The following MTMR7 variants were observed in gnomAD, a reference collection of about 807,000 sequenced individuals.
MTMR7 encodes the protein myotubularin related protein 7, also known as phosphatidylinositol-3-phosphate phosphatase MTMR7.
Under a neutral mutation model 81.2 loss-of-function variants are expected in MTMR7, and 76 were observed. The observed-to-expected ratio is 0.94, with a 90% CI of 0.78 to 1.13. The LOEUF (loss-of-function observed/expected upper bound fraction) is 1.13, where lower values mean the gene tolerates loss of function less well. Ranked by LOEUF, MTMR7 falls within the 50% of genes most tolerant of loss-of-function variation. MTMR7 has a pLI of 0.00. For synonymous variants in MTMR7, 372 were observed against 289.8 expected (o/e 1.28, Z -2.88); for missense variants, 1,044 against 820.0 (o/e 1.27, Z -3.34).
At chr8:17,361,348 G>T (rs1351285683) in intron 3 of MTMR7, 74 bp from the exon 4 acceptor site, 1 of 1,559,360 alleles carries the variant, frequency 6.4e-7, no homozygotes, top group Non-Finnish European at 8.8e-7. Flanking sequence ...AAAACATTCT[G>T]TCCCACCTGG....
chr8:17,312,710 A>G (rs898546825), intron 8 of MTMR7, among the ~76,000 whole-genome samples: 1 of 152,092 alleles, frequency 6.6e-6, no homozygotes, highest in Non-Finnish European at 1.5e-5. Context: ...CTAAATAAAG[A>G]TTTCTTGAAT....
chr8:17,407,158 A>C (rs1289268223), intron 1 of MTMR7, among the ~76,000 whole-genome samples: 4 of 152,266 alleles, frequency 2.6e-5, no homozygotes, highest in African/African-American at 9.6e-5. Context: ...CACACTATAC[A>C]CACACACTAA....
chr8:17,313,022 C>A (rs1032956120), intron 8 of MTMR7, among the ~76,000 whole-genome samples: 3 of 152,212 alleles, frequency 2.0e-5, no homozygotes, highest in African/African-American at 7.2e-5. Context: ...ACAGAAAATT[C>A]TTTCCTCCAT....
At chr8:17,392,903 G>A (rs1032616521) in intron 1 of MTMR7, among the ~76,000 whole-genome samples, 1 of 152,170 alleles carries the variant, frequency 6.6e-6, no homozygotes, top group Non-Finnish European at 1.5e-5. Flanking sequence ...TTGCAATGAG[G>A]ATGATTATAA....
At position 17,341,395 on chromosome 8, in the gene MTMR7, C is replaced by A; in HGVS notation, c.700G>T (p.Asp234Tyr). 3 of 1,614,156 alleles carry A rather than the reference C, an allele frequency of 1.9e-6. No individual in the cohort carries two copies. Among genetic ancestry groups the A allele is most frequent in the Non-Finnish European group, 1.7e-6 (2 of 1,180,022 alleles). The change falls in exon 6 of 14, where the codon GAC becomes TAC. Residue 234 changes from aspartate (D) to tyrosine (Y), a missense_variant. Asp to Tyr is a radical substitution (Grantham distance 160). Transcript: ENST00000180173. ...QAIRKANPGS[D>Y]FVYVVDTRPK... ...CGGGTGTCAACGACATAAACGAAGTCACTTCCTGGATTGGCTTTCCTAATG... is the reference window on the plus strand; with the variant it reads ...CGGGTGTCAACGACATAAACGAAGTAACTTCCTGGATTGGCTTTCCTAATG...
intron 6 of MTMR7, among the ~76,000 whole-genome samples, chr8:17,340,485 A>G (rs576045233): frequency 6.6e-6 from 1 of 152,304 alleles, no homozygotes; most frequent in African/African-American, 2.4e-5. Flanking sequence ...TAGTCAATGC[A>G]CTTGTAGGTG....
intron 1 of MTMR7, among the ~76,000 whole-genome samples, chr8:17,400,689 T>G (rs1821400806): frequency 6.6e-6 from 1 of 152,228 alleles, no homozygotes. Context: ...AGACTTTTAT[T>G]GCACAATATT....
chr8:17,298,162 AGTTAT>A lies in MTMR7; in HGVS notation c.*1695_*1699del, dbSNP rs529460066. The A allele has an allele frequency of 1.2e-3, 176 of 152,190 alleles. No homozygotes were observed. The highest frequency in any genetic ancestry group is 3.8e-3 in the African/African-American group (157 of 41,582). 9.4% of individuals were successfully genotyped at this position (152,190 alleles called of 1,614,324 possible). A position where few individuals can be genotyped will look rare whatever the true frequency, so the allele number is the denominator to read the frequency against. The stretch of plus-strand genomic sequence containing the variant: ...ACAGCTCCAAGAAGGTTGTGAAGTG[AGTTAT>A]GTTATGTTATAAAAATGTGAAAGCC... On this transcript the variant is annotated 3_prime_UTR_variant, in exon 14 of 14. Transcript: ENST00000180173.
At chr8:17,309,352 T>A in intron 9 of MTMR7, 26 bp from the exon 10 acceptor site, 1 of 1,503,938 alleles carries the variant, frequency 6.6e-7, no homozygotes, top group Non-Finnish European at 9.2e-7. Flanking sequence ...TACAAATATC[T>A]TGGAGAGAAG....
At chr8:17,333,629 C>A (rs1424209002) in intron 6 of MTMR7, among the ~76,000 whole-genome samples, 1 of 152,044 alleles carries the variant, frequency 6.6e-6, no homozygotes, top group Non-Finnish European at 1.5e-5. Context: ...GTGGGGAGAT[C>A]TCTTGAGCTC....
chr8:17,387,942 G>A (rs1821000604), intron 1 of MTMR7, among the ~76,000 whole-genome samples: 1 of 152,176 alleles, frequency 6.6e-6, no homozygotes, highest in Non-Finnish European at 1.5e-5. Context: ...CAGCAGATTT[G>A]ACTGACGTTT....
chr8:17,317,795 G>T lies in MTMR7; in HGVS notation c.866-4394C>A, dbSNP rs1289508852. On this transcript the variant is annotated intron_variant, in intron 7 of 13. Coordinates refer to ENST00000180173, the MANE Select transcript of MTMR7 (RefSeq NM_004686.5). Reference sequence around the variant, plus strand: ...GTTTCTCATACTTCCGCCATAAATTGCAGCTTTTTTTTCTAGTCTGTGGCA... The same window carrying T: ...GTTTCTCATACTTCCGCCATAAATTTCAGCTTTTTTTTCTAGTCTGTGGCA... Among the ~76,000 whole-genome samples the T allele has an allele frequency of 2.0e-5, 3 of 152,118 alleles. No homozygotes were observed. In the East Asian group the frequency reaches 5.8e-4, roughly 29 times the overall value.
rs750007122 is a variant in MTMR7, at chr8:17,371,130, G to A, written c.217C>T (p.Arg73Cys). The A allele has an allele frequency of 4.3e-6, 7 of 1,614,184 alleles. No individual in the cohort carries two copies. Among genetic ancestry groups the A allele is most frequent in the Admixed American group, 1.7e-5 (1 of 60,024 alleles). ...TGTATTATCTGAAAGTTCTTGCAGC[G>A]AATCAGCAGAGGGCATCCGGTAGCG... ...TTATGCPLLI[R>C]CKNFQIIQLI... is the part of the protein sequence containing the mutation. The change falls in exon 3 of 14, where the codon CGC (arginine) becomes TGC (cysteine). Residue 73 changes from arginine (R) to cysteine (C), a missense_variant. By Grantham distance (180) the Arg-to-Cys change is radical. Coordinates refer to ENST00000180173, the MANE Select transcript of MTMR7 (RefSeq NM_004686.5).
At chr8:17,300,545 A>G (rs1333562909) in intron 13 of MTMR7, among the ~76,000 whole-genome samples, 1 of 152,238 alleles carries the variant, frequency 6.6e-6, no homozygotes. Flanking sequence ...GTCTCATCCC[A>G]TGAACTCAAA....
chr8:17,322,560 C>G (rs1410306485), intron 7 of MTMR7, among the ~76,000 whole-genome samples: 1 of 152,186 alleles, frequency 6.6e-6, no homozygotes, highest in Non-Finnish European at 1.5e-5. Flanking sequence ...TGGGTCATGC[C>G]TGTAATCCCA....
chr8:17,309,259 GTC>G lies in MTMR7; in HGVS notation c.1151+16_1151+17del, dbSNP rs773006264. 1.2e-5 allele frequency: 18 copies of G among 1,456,216 alleles called. No homozygotes were observed. Among genetic ancestry groups the G allele is most frequent in the Non-Finnish European group, 1.7e-5 (18 of 1,040,526 alleles). The allele number at this position is 1,456,216 out of a possible 1,614,324, so 90.2% of individuals were successfully genotyped here. On this transcript the variant is annotated intron_variant, in intron 10 of 13. Transcript: ENST00000180173. ...GCTTTTATTCTAAACATTCAAAACA[GTC>G]TTAAATATTACTTACCGGTGATTAA... is the stretch of plus-strand genomic sequence containing the variant.
chr8:17,410,302 C>T (rs1821703326), intron 1 of MTMR7, among the ~76,000 whole-genome samples: 1 of 152,094 alleles, frequency 6.6e-6, no homozygotes, highest in African/African-American at 2.4e-5. Flanking sequence ...AAGACCAAAG[C>T]ATATAAAGTA....
At chr8:17,395,097 C>T (rs1165973351) in intron 1 of MTMR7, among the ~76,000 whole-genome samples, 1 of 152,062 alleles carries the variant, frequency 6.6e-6, no homozygotes, top group African/African-American at 2.4e-5. Flanking sequence ...ACCCTCAGTT[C>T]CTCATAACTT....
chr8:17,369,591 C>G (rs1165721988), intron 3 of MTMR7, among the ~76,000 whole-genome samples: 1 of 150,994 alleles, frequency 6.6e-6, no homozygotes, highest in Non-Finnish European at 1.5e-5. Context: ...TCTCTTTTCA[C>G]TGTATTCTTC....
Sources: gnomAD v4.1 joint callset for allele counts (sites outside exome capture counted in the v4.1 genomes callset) on GRCh38, gnomAD v4.1.1 for gene constraint, MANE v1.5 for transcripts, NCBI Gene and HGNC (gene_info 2026-07-23, HGNC 2026-07-21) for gene names.